Variants in TYW3 observed in about 807,000 individuals in gnomAD.
The protein encoded by TYW3 is tRNA wybutosine-synthesizing protein 3 homolog.
A neutral mutation model predicts 23.1 loss-of-function variants in TYW3; 26 were observed. That is an observed-to-expected ratio of 1.13 (90% CI 0.83 to 1.56). The LOEUF (loss-of-function observed/expected upper bound fraction) is 1.56. Among genes scored for constraint, TYW3 ranks in the 40% most tolerant of loss-of-function variants. The probability of loss-of-function intolerance (pLI) is 0.00; values close to 1 mark genes in which losing one functional copy is unlikely to be tolerated. For synonymous variants in TYW3, 102 were observed against 105.7 expected (o/e 0.97, Z 0.21); for missense variants, 316 against 311.9 (o/e 1.01, Z -0.10).
At chr1:74,747,765 GTA>G (rs1023206429) in intron 3 of TYW3, among the ~76,000 whole-genome samples, 14 of 150,538 alleles carry the variant, frequency 9.3e-5, no homozygotes, top group African/African-American at 3.0e-4. Context: ...ATATGTATGT[GTA>G]TATGTGTGTA....
At chr1:74,744,562 C>T (rs576410480) in intron 3 of TYW3, among the ~76,000 whole-genome samples, 2 of 152,254 alleles carry the variant, frequency 1.3e-5, no homozygotes, top group Admixed American at 1.3e-4. Context: ...GAAAGCGGTC[C>T]AATGGTACTC....
chr1:74,741,818 G>A (rs978681921), intron 3 of TYW3, among the ~76,000 whole-genome samples: 42 of 152,172 alleles, frequency 2.8e-4, no homozygotes, highest in African/African-American at 9.9e-4. Flanking sequence ...TGGGAGATGA[G>A]TTTCTTGTGT....
At chr1:74,751,593 C>A in intron 4 of TYW3, among the ~76,000 whole-genome samples, 1 of 151,874 alleles carries the variant, frequency 6.6e-6, no homozygotes, top group Non-Finnish European at 1.5e-5. Context: ...TCGCTTGAAC[C>A]TGGGAGGCGG....
chr1:74,742,034 T>C (rs1260894428), intron 3 of TYW3, among the ~76,000 whole-genome samples: 1 of 152,234 alleles, frequency 6.6e-6, no homozygotes, highest in Non-Finnish European at 1.5e-5. Flanking sequence ...AAATTAGGAC[T>C]TTAATCACTG....
intron 2 of TYW3, 92 bp downstream of exon 2, chr1:74,736,714 A>G: frequency 1.0e-6 from 1 of 997,532 alleles, no homozygotes; most frequent in Non-Finnish European, 1.5e-6. Context: ...GGTAATTTAT[A>G]TGCAGAGTTA....
intron 5 of TYW3, chr1:74,761,791 T>G (rs1649142963): frequency 6.6e-6 from 1 of 152,098 alleles, no homozygotes; most frequent in Non-Finnish European, 1.5e-5. Context: ...GTAGATGACA[T>G]GAGGGGCAGA....
chr1:74,744,381 T>C (rs1271528816), intron 3 of TYW3, among the ~76,000 whole-genome samples: 3 of 151,478 alleles, frequency 2.0e-5, no homozygotes, highest in Admixed American at 2.0e-4. Context: ...CAAGCTGTGA[T>C]GCAGAAAAAA....
At chr1:74,747,641 A>G (rs1486333595) in intron 3 of TYW3, among the ~76,000 whole-genome samples, 1 of 151,378 alleles carries the variant, frequency 6.6e-6, no homozygotes, top group Non-Finnish European at 1.5e-5. Context: ...CGTCTCAAAA[A>G]AAAAAAAAAG....
intron 3 of TYW3, 76 bp downstream of exon 3, chr1:74,738,864 A>G: frequency 2.0e-6 from 2 of 1,013,836 alleles, no homozygotes; most frequent in South Asian, 1.5e-5. Flanking sequence ...AACCTGCTAT[A>G]AATATCAATG....
At chr1:74,747,420 G>C (rs1445333886) in intron 3 of TYW3, among the ~76,000 whole-genome samples, 1 of 151,766 alleles carries the variant, frequency 6.6e-6, no homozygotes, top group Non-Finnish European at 1.5e-5. Context: ...GGCGGATCAC[G>C]AGGTCAGGAG....
At chr1:74,746,559 C>A (rs190695022) in intron 3 of TYW3, among the ~76,000 whole-genome samples, 12 of 152,358 alleles carry the variant, frequency 7.9e-5, no homozygotes, top group Admixed American at 4.6e-4. Context: ...CTTAGAGGAA[C>A]TGAGAAATTC....
In TYW3 at chr1:74,755,398, A is replaced by G. The variant is rs111282238; in HGVS notation, c.560+2973A>G. Among the ~76,000 whole-genome samples, 265 of 152,300 alleles carry G rather than the reference A, an allele frequency of 1.7e-3. 1 individual carries two copies. Among genetic ancestry groups the G allele is most frequent in the African/African-American group, 6.1e-3 (252 of 41,572 alleles). ...TTCTATTTTCTCTATGAATTCCACT[A>G]TTATAGGTAATTCATCTAAGTGGGA... On this transcript the variant is annotated intron_variant, in intron 5 of 5. Coordinates refer to ENST00000370867, the MANE Select transcript of TYW3 (RefSeq NM_138467.3).
intron 3 of TYW3, among the ~76,000 whole-genome samples, chr1:74,744,689 G>A (rs1648494135): frequency 6.6e-6 from 1 of 152,188 alleles, no homozygotes; most frequent in Non-Finnish European, 1.5e-5. Flanking sequence ...CCTTCCGATG[G>A]GTTCTTGGTC....
At chr1:74,748,633 A>C in intron 3 of TYW3, 118 bp from the exon 4 acceptor site, 1 of 1,017,536 alleles carries the variant, frequency 9.8e-7, no homozygotes, top group Non-Finnish European at 1.5e-6. Flanking sequence ...TAGACGAAAA[A>C]TTTTTTTAAA....
chr1:74,748,676 C>T (rs1312590870), intron 3 of TYW3, 75 bp from the exon 4 acceptor site: 1 of 1,440,338 alleles, frequency 6.9e-7, no homozygotes, highest in Non-Finnish European at 9.7e-7. Context: ...ATATATGTTT[C>T]TGTAGTTTGT....
chr1:74,739,074 G>T (rs976946004), intron 3 of TYW3, among the ~76,000 whole-genome samples: 1 of 151,972 alleles, frequency 6.6e-6, no homozygotes, highest in South Asian at 2.1e-4. Flanking sequence ...TGTTTGCCAA[G>T]CTTTAAGAAA....
intron 3 of TYW3, among the ~76,000 whole-genome samples, chr1:74,744,770 G>T (rs988111153): frequency 1.3e-5 from 2 of 152,192 alleles, no homozygotes; most frequent in African/African-American, 4.8e-5. Flanking sequence ...GGTGTGTCCG[G>T]AGTTTGTTCC....
intron 2 of TYW3, 74 bp from the exon 3 acceptor site, chr1:74,738,616 G>A (rs1013589376): frequency 2.1e-6 from 2 of 951,532 alleles, no homozygotes; most frequent in Non-Finnish European, 3.0e-6. Context: ...AGAAATTGAA[G>A]TTATGTATGG....
At chr1:74,734,756 A>G (rs60212353) in intron 1 of TYW3, among the ~76,000 whole-genome samples, 9,471 of 152,302 alleles carry the variant, frequency 0.062, 368 homozygotes, top group African/African-American at 0.09. Context: ...TGAACTGAGG[A>G]TAATAAAAAG....
Sources: gnomAD v4.1 joint callset for allele counts (sites outside exome capture counted in the v4.1 genomes callset) on GRCh38, gnomAD v4.1.1 for gene constraint, MANE v1.5 for transcripts, NCBI Gene and HGNC (gene_info 2026-07-23, HGNC 2026-07-21) for gene names.